The following CEP85L variants were observed in gnomAD, a reference collection of about 807,000 sequenced individuals.
CEP85L encodes the protein centrosomal protein of 85 kDa-like.
CEP85L carries 60 observed loss-of-function variants against 100.3 expected under a neutral mutation model. The observed-to-expected ratio is 0.60, with a 90% CI of 0.49 to 0.74. CEP85L has a LOEUF of 0.74. Ranked by LOEUF, CEP85L falls within the 30% of genes least tolerant of loss-of-function variation. The probability of loss-of-function intolerance (pLI) is 0.00; values close to 1 mark genes in which losing one functional copy is unlikely to be tolerated. For missense variants in CEP85L, 973 were observed against 936.2 expected, an observed-to-expected ratio of 1.04 and a Z score of -0.51; for synonymous variants, 319 against 322.7, an observed-to-expected ratio of 0.99 and a Z score of 0.12.
chr6:118,586,875 TAGC>T (rs1780893671), intron 2 of CEP85L, among the ~76,000 whole-genome samples: 2 of 152,182 alleles, frequency 1.3e-5, no homozygotes, highest in Non-Finnish European at 2.9e-5. Context: ...CTATATACTG[TAGC>T]ACCCTCAGGG....
chr6:118,600,300 G>GGGGGGTGTGTGTGT (rs1562297733), intron 2 of CEP85L, among the ~76,000 whole-genome samples: 5 of 52,246 alleles, frequency 9.6e-5, no homozygotes, highest in Admixed American at 2.1e-4. Flanking sequence ...CCTTCCTGGG[G>GGGGGGTGTGTGTGT]GTGTGTGTGT....
intron 1 of CEP85L, among the ~76,000 whole-genome samples, chr6:118,709,022 G>A (rs549679205): frequency 1.1e-4 from 16 of 152,164 alleles, no homozygotes; most frequent in East Asian, 3.9e-4. Flanking sequence ...ATTAGAAACC[G>A]GTAATATAGA....
chr6:118,494,202 G>C (rs1045264513), intron 5 of CEP85L, among the ~76,000 whole-genome samples: 2 of 152,102 alleles, frequency 1.3e-5, no homozygotes, highest in African/African-American at 4.8e-5. Flanking sequence ...AAATCTGAGA[G>C]TTAAAAATTC....
At chr6:118,691,936 T>G (rs573994087) in intron 1 of CEP85L, among the ~76,000 whole-genome samples, 1 of 152,150 alleles carries the variant, frequency 6.6e-6, no homozygotes, top group African/African-American at 2.4e-5. Flanking sequence ...ATACTTGCTA[T>G]GTCTACTTGG....
At chr6:118,495,966 T>A (rs552712953) in intron 5 of CEP85L, among the ~76,000 whole-genome samples, 1 of 152,312 alleles carries the variant, frequency 6.6e-6, no homozygotes, top group East Asian at 1.9e-4. Context: ...TACGCACTTT[T>A]ATTGCCAACC....
chr6:118,557,736 G>T (rs1325945091), intron 3 of CEP85L, among the ~76,000 whole-genome samples: 3 of 152,076 alleles, frequency 2.0e-5, no homozygotes, highest in African/African-American at 4.8e-5. Context: ...AATTATTATC[G>T]AATAAAAATT....
chr6:118,585,912 T>C (rs1299911340), intron 2 of CEP85L, among the ~76,000 whole-genome samples: 1 of 152,158 alleles, frequency 6.6e-6, no homozygotes, highest in Non-Finnish European at 1.5e-5. Context: ...GCTGTATGGG[T>C]AGATACCTTC....
intron 1 of CEP85L, among the ~76,000 whole-genome samples, chr6:118,633,248 T>C (rs568375833): frequency 6.6e-5 from 10 of 151,056 alleles, no homozygotes; most frequent in African/African-American, 2.4e-4. Context: ...TCACCCAGGC[T>C]GGGTGGAGTG....
intron 6 of CEP85L, among the ~76,000 whole-genome samples, chr6:118,488,426 G>C (rs1774337774): frequency 1.3e-5 from 2 of 151,808 alleles, no homozygotes; most frequent in Admixed American, 1.3e-4. Flanking sequence ...AAGCACTCTA[G>C]ATCAAGCAGA....
At chr6:118,660,683 A>G (rs1053009226) in intron 1 of CEP85L, among the ~76,000 whole-genome samples, 33 of 152,310 alleles carry the variant, frequency 2.2e-4, no homozygotes, top group African/African-American at 7.5e-4. Flanking sequence ...CACAACACAC[A>G]TGCCTCCTGA....
At chr6:118,485,972 A>G (rs1173728789) in intron 6 of CEP85L, among the ~76,000 whole-genome samples, 1 of 152,220 alleles carries the variant, frequency 6.6e-6, no homozygotes, top group Non-Finnish European at 1.5e-5. Context: ...CTGTGTGCAA[A>G]GATGTCCTAC....
intron 2 of CEP85L, among the ~76,000 whole-genome samples, chr6:118,579,511 T>C (rs1430609493): frequency 6.6e-6 from 1 of 152,240 alleles, no homozygotes; most frequent in Non-Finnish European, 1.5e-5. Context: ...ATCAGGCAGT[T>C]GACCTGTAGA....
At position 118,463,149 on chromosome 6, in the gene CEP85L, G is replaced by C. The variant is rs1772314444; in HGVS notation, c.*2256C>G. On this transcript the variant is annotated 3_prime_UTR_variant, in exon 13 of 13. Coordinates refer to ENST00000368491, the MANE Select transcript of CEP85L (RefSeq NM_001042475.3). ...ACGTGAATTAAATTACTTTCTCTAA[G>C]TTTTAGAAAGCTAACTTACAAATAA... The C allele has an allele frequency of 6.6e-6, 1 of 151,498 alleles. No individual in the cohort carries two copies. The highest frequency in any genetic ancestry group is 2.4e-5 in the African/African-American group (1 of 41,246). The allele number at this position is 151,498 out of a possible 1,614,324, so 9.4% of individuals were successfully genotyped here. A position where few individuals can be genotyped will look rare whatever the true frequency, so the allele number is the denominator to read the frequency against.
At chr6:118,548,603 T>C (rs1778348366) in intron 3 of CEP85L, among the ~76,000 whole-genome samples, 2 of 152,074 alleles carry the variant, frequency 1.3e-5, no homozygotes, top group South Asian at 4.1e-4. Context: ...ATGAAAAAGG[T>C]CATATTCATC....
At chr6:118,644,977 A>G (rs1329664712) in intron 1 of CEP85L, among the ~76,000 whole-genome samples, 1 of 152,166 alleles carries the variant, frequency 6.6e-6, no homozygotes, top group Non-Finnish European at 1.5e-5. Flanking sequence ...CATAGTAGGC[A>G]CTCAATGTGC....
intron 3 of CEP85L, among the ~76,000 whole-genome samples, chr6:118,525,194 AAATAT>A (rs746508581): frequency 2.0e-5 from 3 of 152,236 alleles, no homozygotes; most frequent in Non-Finnish European, 4.4e-5. Flanking sequence ...AATTTGGATG[AAATAT>A]ATCACTTAGA....
intron 2 of CEP85L, among the ~76,000 whole-genome samples, chr6:118,583,604 T>C (rs560339728): frequency 1.3e-5 from 2 of 152,164 alleles, no homozygotes; most frequent in Non-Finnish European, 2.9e-5. Flanking sequence ...TAAGGAAGAA[T>C]AGGTTGAGCT....
chr6:118,532,414 T>G (rs968081651), intron 3 of CEP85L, among the ~76,000 whole-genome samples: 4 of 152,150 alleles, frequency 2.6e-5, no homozygotes, highest in Admixed American at 6.5e-5. Context: ...TTAGGTGCTA[T>G]GCTTGCTGCC....
intron 6 of CEP85L, among the ~76,000 whole-genome samples, chr6:118,484,877 A>G (rs1211413231): frequency 6.6e-6 from 1 of 152,222 alleles, no homozygotes; most frequent in African/African-American, 2.4e-5. Context: ...AGTGAAACCA[A>G]TTCATACCTC....
Sources: gnomAD v4.1 joint callset for allele counts (sites outside exome capture counted in the v4.1 genomes callset) on GRCh38, gnomAD v4.1.1 for gene constraint, MANE v1.5 for transcripts, NCBI Gene and HGNC (gene_info 2026-07-23, HGNC 2026-07-21) for gene names.